DOCK2: variants seen among roughly 807,000 people sequenced by gnomAD.
DOCK2 encodes dedicator of cytokinesis 2, also known as dedicator of cytokinesis protein 2.
Under a neutral mutation model 248.9 loss-of-function variants are expected in DOCK2, and 87 were observed. That is an observed-to-expected ratio of 0.35 (90% CI 0.29 to 0.42). The LOEUF (loss-of-function observed/expected upper bound fraction) is 0.42. Ranked by LOEUF, DOCK2 falls within the 10% of genes least tolerant of loss-of-function variation. The probability of loss-of-function intolerance (pLI) is 1.00; values close to 1 mark genes in which losing one functional copy is unlikely to be tolerated. For missense variants in DOCK2, 1,747 were observed against 2,300.2 expected (o/e 0.76, Z 4.92); for synonymous variants, 805 against 821.6 (o/e 0.98, Z 0.35).
At position 170,036,576 on chromosome 5, in the gene DOCK2, A is replaced by C. The variant is rs370398416; in HGVS notation, c.3665+21A>C. ...ATAAGGTAAGATTCATATTTTCTAA[A>C]ATCCAGACCTGCTGTGTCACTTTCC... On this transcript the variant is annotated intron_variant, in intron 36 of 51. Coordinates refer to ENST00000520908, the MANE Select transcript of DOCK2 (RefSeq NM_004946.3). 5.2e-5 allele frequency: 84 copies of C among 1,611,356 alleles called. No individual in the cohort carries two copies. The African/African-American group carries it at 1.1e-3, about 21-fold the overall frequency.
intron 26 of DOCK2, among the ~76,000 whole-genome samples, chr5:169,828,861 G>C (rs558436002): frequency 7.9e-5 from 12 of 152,300 alleles, no homozygotes; most frequent in African/African-American, 2.4e-4. Context: ...TTTGTGACAG[G>C]TACTTGTGCT....
At chr5:169,686,915 G>C (rs944786219) in intron 8 of DOCK2, among the ~76,000 whole-genome samples, 1 of 152,134 alleles carries the variant, frequency 6.6e-6, no homozygotes. Flanking sequence ...TGAGGAGTTG[G>C]AATAGTACTC....
intron 27 of DOCK2, among the ~76,000 whole-genome samples, chr5:169,870,689 G>T (rs1771906749): frequency 6.6e-6 from 1 of 151,926 alleles, no homozygotes; most frequent in Non-Finnish European, 1.5e-5. Flanking sequence ...TGCCATGTTG[G>T]TATGCTGCAC....
Position 170,047,601 on chromosome 5 carries a change from C to A in DOCK2, c.4058C>A (p.Pro1353His). ...GTTGGATACTACGGCCAGGGATTCC[C>A]CTCCTTCCTGCGGGTGAGTTTGGGG... ...FAVGYYGQGFPSFLRNKVFIY... is the reference protein window; with the variant it reads ...FAVGYYGQGFHSFLRNKVFIY... Residue 1353 changes from proline (P) to histidine (H), a missense_variant, in exon 40 of 52, where the codon CCC becomes CAC. Around this residue, in one of 4 missense-constraint regions of DOCK2, gnomAD observed 858 missense variants for 1,183.5 expected, o/e 0.72. Transcript: ENST00000520908. The A allele has an allele frequency of 6.2e-7, 1 of 1,613,964 alleles. No homozygotes were observed. Among genetic ancestry groups the A allele is most frequent in the Non-Finnish European group, 8.5e-7 (1 of 1,179,910 alleles).
At chr5:169,825,415 A>G (rs1330932597) in intron 26 of DOCK2, among the ~76,000 whole-genome samples, 1 of 151,620 alleles carries the variant, frequency 6.6e-6, no homozygotes, top group Non-Finnish European at 1.5e-5. Flanking sequence ...TGTGGCACAT[A>G]TACACCGTGG....
At chr5:169,745,135 G>A (rs896162762) in intron 22 of DOCK2, among the ~76,000 whole-genome samples, 7 of 152,206 alleles carry the variant, frequency 4.6e-5, no homozygotes, top group Non-Finnish European at 1.0e-4. Flanking sequence ...GTCCATTAGG[G>A]ATTGCTGGTG....
At chr5:169,877,655 T>TTAGA (rs60864148) in intron 27 of DOCK2, among the ~76,000 whole-genome samples, 177 of 152,156 alleles carry the variant, frequency 1.2e-3, no homozygotes, top group Non-Finnish European at 2.0e-3. Flanking sequence ...CTTGAAAATT[T>TTAGA]TAGATAGATA....
chr5:169,774,194 A>G (rs541489510), intron 25 of DOCK2, among the ~76,000 whole-genome samples: 7 of 152,328 alleles, frequency 4.6e-5, no homozygotes, highest in Non-Finnish European at 8.8e-5. Flanking sequence ...AATTTGCTGC[A>G]GATTCATTTC....
chr5:169,911,742 T>A (rs1419514574), intron 27 of DOCK2, among the ~76,000 whole-genome samples: 1 of 152,168 alleles, frequency 6.6e-6, no homozygotes, highest in Non-Finnish European at 1.5e-5. Flanking sequence ...AAACCCTTTA[T>A]CTGATTGTGC....
intron 40 of DOCK2, among the ~76,000 whole-genome samples, chr5:170,049,067 C>G (rs779408867): frequency 1.3e-5 from 2 of 152,152 alleles, no homozygotes; most frequent in Non-Finnish European, 2.9e-5. Context: ...CCTGGCTGTA[C>G]GTCAGAATCC....
At chr5:169,696,676 C>G (rs1029648160) in intron 10 of DOCK2, among the ~76,000 whole-genome samples, 1 of 152,160 alleles carries the variant, frequency 6.6e-6, no homozygotes, top group African/African-American at 2.4e-5. Context: ...CCGTGCATAA[C>G]CCCTATGTAC....
intron 27 of DOCK2, among the ~76,000 whole-genome samples, chr5:169,920,016 C>T (rs1775083962): frequency 6.6e-6 from 1 of 152,138 alleles, no homozygotes; most frequent in African/African-American, 2.4e-5. Context: ...GAATATAGAA[C>T]CCAGCACTTT....
chr5:169,841,731 TC>T (rs1372934272), intron 27 of DOCK2, among the ~76,000 whole-genome samples: 3 of 152,160 alleles, frequency 2.0e-5, no homozygotes, highest in Admixed American at 1.3e-4. Context: ...TCCCAGTACC[TC>T]TCCATCCACT....
At chr5:169,945,094 G>T (rs1776391916) in intron 27 of DOCK2, among the ~76,000 whole-genome samples, 1 of 152,214 alleles carries the variant, frequency 6.6e-6, no homozygotes, top group Non-Finnish European at 1.5e-5. Context: ...TCTCAGATTA[G>T]GGAACCGACT....
intron 27 of DOCK2, among the ~76,000 whole-genome samples, chr5:169,964,072 T>G (rs141216765): frequency 2.0e-3 from 306 of 152,130 alleles, no homozygotes; most frequent in African/African-American, 7.1e-3. Flanking sequence ...GAGGTACAAA[T>G]AAATATTTCC....
rs571685951 is a variant in DOCK2, at chr5:169,791,150, CACTT to C, written c.2555-11904_2555-11901del. Among the ~76,000 whole-genome samples the C allele has an allele frequency of 5.7e-4, 86 of 152,182 alleles. 1 individual carries two copies. The highest frequency in any genetic ancestry group is 1.0e-3 in the Non-Finnish European group (68 of 68,030). The stretch of plus-strand genomic sequence containing the variant: ...AGCAAACACTCACTCATTCATCTAA[CACTT>C]ACTAAGATCCTACTGGATAACAGGC... On this transcript the variant is annotated intron_variant, in intron 25 of 51. Transcript: ENST00000520908.
intron 22 of DOCK2, among the ~76,000 whole-genome samples, chr5:169,736,001 G>A (rs531586812): frequency 3.4e-4 from 51 of 151,882 alleles, no homozygotes; most frequent in African/African-American, 1.1e-3. Context: ...AGAACCAAGT[G>A]GGAAGTACTA....
intron 8 of DOCK2, among the ~76,000 whole-genome samples, chr5:169,688,711 G>A (rs531612879): frequency 2.0e-5 from 3 of 152,202 alleles, no homozygotes; most frequent in African/African-American, 2.4e-5. Context: ...TGTTACAATG[G>A]CATTTAAACA....
At chr5:169,993,392 A>C (rs1237272409) in intron 29 of DOCK2, among the ~76,000 whole-genome samples, 2 of 152,218 alleles carry the variant, frequency 1.3e-5, no homozygotes, top group South Asian at 2.1e-4. Context: ...AGAATGAAGC[A>C]GTCCAGAGGG....
Sources: allele counts gnomAD v4.1 joint callset (sites outside exome capture counted in the v4.1 genomes callset), GRCh38; gene constraint gnomAD v4.1.1; regional missense constraint gnomAD v4.1.1; transcripts MANE v1.5; gene names NCBI Gene and HGNC (gene_info 2026-07-23, HGNC 2026-07-21).